Variants in NELL1 observed in about 807,000 individuals in gnomAD.
NELL1 encodes protein kinase C-binding protein NELL1.
NELL1 carries 76 observed loss-of-function variants against 107.4 expected under a neutral mutation model. The ratio of observed to expected loss-of-function variants is 0.71; its 90% CI spans 0.59 to 0.86. The LOEUF (loss-of-function observed/expected upper bound fraction) is 0.86, where lower values mean the gene tolerates loss of function less well. NELL1 is among the 40% of genes least tolerant of loss of function. NELL1 has a pLI of 0.00. For missense variants in NELL1, 1,024 were observed against 1,005.5 expected, an observed-to-expected ratio of 1.02 and a Z score of -0.25; for synonymous variants, 353 against 341.2, an observed-to-expected ratio of 1.03 and a Z score of -0.38.
chr11:21,561,985 G>T (rs183679760), intron 17 of NELL1, among the ~76,000 whole-genome samples: 61 of 152,080 alleles, frequency 4.0e-4, no homozygotes, highest in African/African-American at 1.4e-3. Context: ...TTCTTTGCTA[G>T]GTCATTTCAA....
intron 5 of NELL1, among the ~76,000 whole-genome samples, chr11:20,901,472 T>A (rs1192016738): frequency 2.0e-5 from 3 of 152,082 alleles, no homozygotes; most frequent in Non-Finnish European, 4.4e-5. Flanking sequence ...CGCTATGTTC[T>A]TGGAGAAGAA....
Position 21,189,190 on chromosome 11 carries a change from C to A in NELL1, c.1427-40142C>A, listed in dbSNP as rs1232313279. On this transcript the variant is annotated intron_variant, in intron 13 of 19. Transcript: ENST00000357134. ...ACAGTAATCCATTGTATGAATAGTT[C>A]ACAATTTACTTATCCTTTTTCCTGA... 9.2e-5 allele frequency among the ~76,000 whole-genome samples: 14 copies of A among 151,794 alleles called. 1 individual carries two copies. The highest frequency in any genetic ancestry group is 9.2e-4 in the Admixed American group (14 of 15,260).
chr11:21,048,390 T>C (rs1244496773), intron 12 of NELL1, among the ~76,000 whole-genome samples: 1 of 152,186 alleles, frequency 6.6e-6, no homozygotes, highest in Non-Finnish European at 1.5e-5. Context: ...GTGTTTTTCA[T>C]ACCTTTGGGT....
intron 15 of NELL1, among the ~76,000 whole-genome samples, chr11:21,478,801 T>G (rs1355123970): frequency 7.5e-6 from 1 of 133,888 alleles, no homozygotes; most frequent in Non-Finnish European, 1.6e-5. Flanking sequence ...TGACAAAGGA[T>G]AAATAAATAG....
intron 15 of NELL1, among the ~76,000 whole-genome samples, chr11:21,409,582 A>G (rs1370479612): frequency 6.6e-6 from 1 of 151,928 alleles, no homozygotes; most frequent in African/African-American, 2.4e-5. Context: ...AAAGTATAAT[A>G]ATAATAAAAT....
chr11:21,290,914 A>G (rs1005501137), intron 14 of NELL1, among the ~76,000 whole-genome samples: 5 of 152,226 alleles, frequency 3.3e-5, no homozygotes, highest in Non-Finnish European at 5.9e-5. Flanking sequence ...TGAAAATTCC[A>G]AAAACAAGAA....
At chr11:21,083,660 G>A (rs1350569954) in intron 12 of NELL1, among the ~76,000 whole-genome samples, 1 of 152,010 alleles carries the variant, frequency 6.6e-6, no homozygotes, top group African/African-American at 2.4e-5. Flanking sequence ...ACTAGATCTG[G>A]GCTGTATCTT....
chr11:20,837,351 A>G (rs1848549709), intron 3 of NELL1, among the ~76,000 whole-genome samples: 1 of 152,178 alleles, frequency 6.6e-6, no homozygotes. Context: ...TGTTTAGCTT[A>G]CTTTAGATAC....
At chr11:21,211,274 T>C (rs1190628338) in intron 13 of NELL1, among the ~76,000 whole-genome samples, 1 of 152,028 alleles carries the variant, frequency 6.6e-6, no homozygotes, top group Admixed American at 6.6e-5. Context: ...AAGCGGATAT[T>C]ACGTAGGATG....
intron 12 of NELL1, among the ~76,000 whole-genome samples, chr11:21,015,599 G>A (rs1202354048): frequency 6.6e-6 from 1 of 152,054 alleles, no homozygotes; most frequent in Non-Finnish European, 1.5e-5. Flanking sequence ...ATGCCATTGT[G>A]GAAAGGTCAG....
In NELL1 at chr11:21,573,339, A is replaced by T; in HGVS notation, c.2312A>T (p.Tyr771Phe). Reference sequence around the variant, plus strand: ...ATCAGAAAAACTTGCCTGGACAGCTATGGTGTTTCACGGCTTAGTGGCTCA... The same window carrying T: ...ATCAGAAAAACTTGCCTGGACAGCTTTGGTGTTTCACGGCTTAGTGGCTCA... ...YDIRKTCLDSYGVSRLSGSVW... is the reference protein window; with the variant it reads ...YDIRKTCLDSFGVSRLSGSVW... Residue 771 changes from tyrosine (Y) to phenylalanine (F), a missense_variant, in exon 19 of 20, where the codon TAT (tyrosine) becomes TTT (phenylalanine). Physicochemically the swap from Tyr to Phe is conservative, Grantham distance 22. Coordinates refer to ENST00000357134, the MANE Select transcript of NELL1 (RefSeq NM_006157.5). 6.2e-7 allele frequency: 1 copy of T among 1,612,470 alleles called. No homozygotes were observed. Among genetic ancestry groups the T allele is most frequent in the South Asian group, 1.1e-5 (1 of 91,068 alleles).
At chr11:21,103,421 G>C (rs2133709223) in intron 12 of NELL1, among the ~76,000 whole-genome samples, 1 of 152,324 alleles carries the variant, frequency 6.6e-6, no homozygotes, top group African/African-American at 2.4e-5. Context: ...CAACAGAGTA[G>C]ATGCCAGGGG....
intron 14 of NELL1, among the ~76,000 whole-genome samples, chr11:21,337,742 T>TTCTTTCTTTCTC (rs1850443875): frequency 2.0e-5 from 2 of 99,284 alleles, no homozygotes; most frequent in South Asian, 3.5e-4. Flanking sequence ...TTTCCTTTCT[T>TTCTTTCTTTCTC]TCTTTCTTTC....
At chr11:21,070,674 G>A (rs1853989969) in intron 12 of NELL1, among the ~76,000 whole-genome samples, 2 of 152,168 alleles carry the variant, frequency 1.3e-5, no homozygotes, top group South Asian at 2.1e-4. Flanking sequence ...TCTTGTGTGA[G>A]CCGAGCATAT....
chr11:20,853,725 A>G (rs1848831011), intron 4 of NELL1, among the ~76,000 whole-genome samples: 1 of 152,216 alleles, frequency 6.6e-6, no homozygotes, highest in Non-Finnish European at 1.5e-5. Context: ...TTCAGGACAT[A>G]ATGTGTAATG....
chr11:21,199,364 C>A (rs1203775258), intron 13 of NELL1, among the ~76,000 whole-genome samples: 1 of 152,092 alleles, frequency 6.6e-6, no homozygotes, highest in East Asian at 1.9e-4. Context: ...GCTGGGAAAA[C>A]CTAATAACTT....
chr11:21,236,748 T>G (rs1018467472), intron 14 of NELL1, among the ~76,000 whole-genome samples: 2 of 152,148 alleles, frequency 1.3e-5, no homozygotes, highest in Non-Finnish European at 2.9e-5. Context: ...TCAGTTATTC[T>G]GCAATTATAA....
intron 15 of NELL1, among the ~76,000 whole-genome samples, chr11:21,512,877 C>T (rs1233074335): frequency 6.6e-6 from 1 of 151,904 alleles, no homozygotes; most frequent in South Asian, 2.1e-4. Context: ...CCTAACCGAA[C>T]CTATTACCGC....
At chr11:21,223,027 A>AT (rs1857798122) in intron 13 of NELL1, among the ~76,000 whole-genome samples, 2 of 152,132 alleles carry the variant, frequency 1.3e-5, no homozygotes, top group African/African-American at 4.8e-5. Flanking sequence ...CGTTGGATAT[A>AT]TTGTTCTGGA....
Sources: allele counts gnomAD v4.1 joint callset (sites outside exome capture counted in the v4.1 genomes callset), GRCh38; gene constraint gnomAD v4.1.1; transcripts MANE v1.5; gene names NCBI Gene and HGNC (gene_info 2026-07-23, HGNC 2026-07-21).